NUP153: variants seen among roughly 807,000 people sequenced by gnomAD.
NUP153 encodes the protein nuclear pore complex protein Nup153.
Under a neutral mutation model 134.6 loss-of-function variants are expected in NUP153, and 27 were observed. The observed-to-expected ratio is 0.20, with a 90% confidence interval of 0.15 to 0.28. The LOEUF (loss-of-function observed/expected upper bound fraction) is 0.28. Among genes scored for constraint, NUP153 ranks in the 10% least tolerant of loss-of-function variants. The pLI is 1.00. For synonymous variants in NUP153, 640 were observed against 623.5 expected (o/e 1.03, Z -0.40); for missense variants, 1,821 against 1,731.3 (o/e 1.05, Z -0.92).
At chr6:17,681,960 A>C (rs775241137) in intron 2 of NUP153, among the ~76,000 whole-genome samples, 6 of 151,970 alleles carry the variant, frequency 3.9e-5, no homozygotes, top group Non-Finnish European at 5.9e-5. Flanking sequence ...TAATCCCAGC[A>C]CTTTTAGGAG....
chr6:17,659,709 G>A (rs1767066970), intron 11 of NUP153, among the ~76,000 whole-genome samples: 1 of 152,150 alleles, frequency 6.6e-6, no homozygotes, highest in Non-Finnish European at 1.5e-5. Flanking sequence ...TTGACCTCGT[G>A]ATCCGCCCGC....
At position 17,675,335 on chromosome 6, in the gene NUP153, G is replaced by A. The variant is rs1241424306; in HGVS notation, c.617C>T (p.Pro206Leu). ...ACGTTCAGCTTCTGGGGACCACAGAGGTGGCAATGAAGTGTTCTTTGAAAC... is the reference window on the plus strand; with the variant it reads ...ACGTTCAGCTTCTGGGGACCACAGAAGTGGCAATGAAGTGTTCTTTGAAAC... ...ITVSKNTSLPPLWSPEAERSH... is the reference protein window; with the variant it reads ...ITVSKNTSLPLLWSPEAERSH... Residue 206 changes from proline (P) to leucine (L), a missense_variant, in exon 4 of 22, where the codon CCT (proline) becomes CTT (leucine). Coordinates refer to ENST00000262077, the MANE Select transcript of NUP153 (RefSeq NM_005124.4). This position sits in a 1 kb window ranked among gnomAD's most constrained non-coding sequence, Gnocchi z 4.4. 4 of 1,613,962 alleles carry A rather than the reference G, an allele frequency of 2.5e-6. No homozygotes were observed. The highest frequency in any genetic ancestry group is 2.5e-6 in the Non-Finnish European group (3 of 1,179,962).
intron 8 of NUP153, among the ~76,000 whole-genome samples, chr6:17,668,185 C>A (rs1240886118): frequency 6.0e-5 from 9 of 149,898 alleles, no homozygotes; most frequent in African/African-American, 2.5e-5. Flanking sequence ...AAGTGATTCT[C>A]CTGCCTCAGC....
chr6:17,706,174 C>T lies in NUP153; in HGVS notation c.111+103G>A. 1.1e-6 allele frequency: 1 copy of T among 930,086 alleles called. No homozygotes were observed. The allele number at this position is 930,086 out of a possible 1,614,324, so 57.6% of individuals were successfully genotyped here. On this transcript the variant is annotated intron_variant, in intron 1 of 21. Transcript: ENST00000262077. The surrounding 1 kb of genome is among the most constrained non-coding windows in gnomAD (Gnocchi z 5.9). Reference sequence around the variant, plus strand: ...AGCCTCACTCGGGCCTTTCCTCAGGCCCTCCTGTCTGCTCCACGTGGGGCG... The same window carrying T: ...AGCCTCACTCGGGCCTTTCCTCAGGTCCTCCTGTCTGCTCCACGTGGGGCG...
At position 17,706,388 on chromosome 6, in the gene NUP153, G is replaced by A. The variant is rs779997743; in HGVS notation, c.-1C>T. 1.9e-6 allele frequency: 3 copies of A among 1,610,222 alleles called. No homozygotes were observed. The highest frequency in any genetic ancestry group is 1.7e-6 in the Non-Finnish European group (2 of 1,178,630). On this transcript the variant is annotated 5_prime_UTR_variant, in exon 1 of 22. Transcript: ENST00000262077. The surrounding 1 kb of genome is among the most constrained non-coding windows in gnomAD (Gnocchi z 5.9). ...CGACTCCTCCGGCTCCCGAGGCCAT[G>A]GCGGAGCCTCCGCCGCTTCCCGCTC...
intron 18 of NUP153, among the ~76,000 whole-genome samples, chr6:17,627,806 G>C (rs1192953636): frequency 6.6e-6 from 1 of 152,188 alleles, no homozygotes; most frequent in East Asian, 1.9e-4. Flanking sequence ...GTGGCAAATA[G>C]CTTTTCTCTC....
At chr6:17,701,825 T>A (rs1216827479) in intron 1 of NUP153, among the ~76,000 whole-genome samples, 2 of 42,448 alleles carry the variant, frequency 4.7e-5, no homozygotes, top group Non-Finnish European at 1.1e-4. Context: ...AGAGCAAGAC[T>A]CTGTCTCGGG....
rs1157459533 is a variant in NUP153, at chr6:17,637,363, T to C, written c.2254A>G (p.Thr752Ala). 2 of 1,614,202 alleles carry C rather than the reference T, an allele frequency of 1.2e-6. No individual in the cohort carries two copies. Among genetic ancestry groups the C allele is most frequent in the Non-Finnish European group, 1.7e-6 (2 of 1,180,040 alleles). Residue 752 changes from threonine (T) to alanine (A), a missense_variant, in exon 16 of 22, where the codon ACT becomes GCT. By Grantham distance (58) the Thr-to-Ala change is moderately conservative. Transcript: ENST00000262077. Reference sequence around the variant, plus strand: ...AATGTAAGGGCTCGCTTCACACAAGTTCCAGGTTTCGGTGTTTCACAGGCT... The same window carrying C: ...AATGTAAGGGCTCGCTTCACACAAGCTCCAGGTTTCGGTGTTTCACAGGCT... ...CVACETPKPG[T>A]CVKRALTLTV...
intron 15 of NUP153, among the ~76,000 whole-genome samples, chr6:17,639,052 T>G (rs769957311): frequency 6.6e-6 from 1 of 152,138 alleles, no homozygotes; most frequent in Non-Finnish European, 1.5e-5. Flanking sequence ...CTCACAGTTT[T>G]ACATTCTTTT....
At chr6:17,657,856 GTGGT>G (rs1178964123) in intron 11 of NUP153, among the ~76,000 whole-genome samples, 1 of 152,210 alleles carries the variant, frequency 6.6e-6, no homozygotes, top group Non-Finnish European at 1.5e-5. Flanking sequence ...ATTCTTAAAT[GTGGT>G]TACATTATAC....
intron 2 of NUP153, among the ~76,000 whole-genome samples, chr6:17,679,222 A>G (rs1033645817): frequency 6.6e-6 from 1 of 152,204 alleles, no homozygotes; most frequent in Non-Finnish European, 1.5e-5. Flanking sequence ...TCAACACAAA[A>G]AAATGTGTTT....
intron 16 of NUP153, 70 bp from the exon 17 acceptor site, chr6:17,632,914 A>T: frequency 8.6e-7 from 1 of 1,166,236 alleles, no homozygotes. Context: ...GTATGTCAGT[A>T]TCTTAATGGC....
chr6:17,694,299 A>C (rs1769486414), intron 1 of NUP153, among the ~76,000 whole-genome samples: 1 of 152,218 alleles, frequency 6.6e-6, no homozygotes. Context: ...AATATTCACC[A>C]GGATAAAGAC....
intron 11 of NUP153, among the ~76,000 whole-genome samples, chr6:17,658,252 C>T (rs1766957095): frequency 6.6e-6 from 1 of 152,166 alleles, no homozygotes; most frequent in South Asian, 2.1e-4. Flanking sequence ...AAAAAATTAG[C>T]TGGGCCTGTG....
At position 17,668,718 on chromosome 6, in the gene NUP153, C is replaced by T. The variant is rs532406400; in HGVS notation, c.1068+257G>A. Reference sequence around the variant, plus strand: ...ATGAGCAGGGCATGATGGCACGTGCCTGTAATCTCAGTTACTAGGGAGGCT... The same window carrying T: ...ATGAGCAGGGCATGATGGCACGTGCTTGTAATCTCAGTTACTAGGGAGGCT... On this transcript the variant is annotated intron_variant, in intron 8 of 21. Transcript: ENST00000262077. Among the ~76,000 whole-genome samples the T allele has an allele frequency of 2.0e-5, 3 of 151,872 alleles. No individual in the cohort carries two copies. In the South Asian group the frequency reaches 6.2e-4, roughly 32 times the overall value.
chr6:17,676,997 G>A (rs1028078017), intron 2 of NUP153, among the ~76,000 whole-genome samples: 1 of 152,188 alleles, frequency 6.6e-6, no homozygotes, highest in Non-Finnish European at 1.5e-5. Context: ...CAATGCTGAG[G>A]ACTCTCAAGT....
chr6:17,693,383 C>CT (rs1769406927), intron 1 of NUP153, among the ~76,000 whole-genome samples: 1 of 152,024 alleles, frequency 6.6e-6, no homozygotes, highest in African/African-American at 2.4e-5. Context: ...AAAGAGAGGT[C>CT]TTTTTTTGTG....
chr6:17,628,447 A>G lies in NUP153; in HGVS notation c.3544+208T>C, dbSNP rs1765056373. 1.3e-5 allele frequency among the ~76,000 whole-genome samples: 2 copies of G among 152,240 alleles called. No individual in the cohort carries two copies. The highest frequency in any genetic ancestry group is 2.1e-4 in the South Asian group (1 of 4,826). On this transcript the variant is annotated intron_variant, in intron 18 of 21. Coordinates refer to ENST00000262077, the MANE Select transcript of NUP153 (RefSeq NM_005124.4). This position sits in a 1 kb window ranked among gnomAD's most constrained non-coding sequence, Gnocchi z 5.4. ...TTACTGCTGTATTTCTCAAAATTAG[A>G]TCCACAGATGACTTCACCAGAATCA...
At chr6:17,664,513 A>G (rs139423501) in intron 9 of NUP153, among the ~76,000 whole-genome samples, 2 of 152,278 alleles carry the variant, frequency 1.3e-5, no homozygotes, top group East Asian at 1.9e-4. Flanking sequence ...ACGTTTCAAT[A>G]TGGACTGGAT....
Sources: allele counts gnomAD v4.1 joint callset (sites outside exome capture counted in the v4.1 genomes callset), GRCh38; gene constraint gnomAD v4.1.1; non-coding constraint Gnocchi (gnomAD v3.1); transcripts MANE v1.5; gene names NCBI Gene and HGNC (gene_info 2026-07-23, HGNC 2026-07-21).